PCDHGB1: variants seen among roughly 807,000 people sequenced by gnomAD.
PCDHGB1 encodes protocadherin gamma-B1.
PCDHGB1 carries 34 observed loss-of-function variants against 56.6 expected under a neutral mutation model. The ratio of observed to expected loss-of-function variants is 0.60; its 90% CI spans 0.46 to 0.80. The LOEUF (loss-of-function observed/expected upper bound fraction) is 0.80. Ranked by LOEUF, PCDHGB1 falls within the 30% of genes least tolerant of loss-of-function variation. PCDHGB1 has a pLI of 0.00. For missense variants in PCDHGB1, 1,278 were observed against 1,204.6 expected (o/e 1.06, Z -0.90); for synonymous variants, 561 against 505.9 (o/e 1.11, Z -1.46).
intron 1 of PCDHGB1, among the ~76,000 whole-genome samples, chr5:141,456,714 C>T (rs1456452530): frequency 6.6e-6 from 1 of 152,176 alleles, no homozygotes; most frequent in Non-Finnish European, 1.5e-5. Flanking sequence ...CCTGTAATCC[C>T]AGCACTTTGG....
Position 141,486,639 on chromosome 5 carries a change from T to G in PCDHGB1, c.2410-8168T>G, listed in dbSNP as rs1250700423. ...GACCCAGACTCTGGCTTGAATGCGC[T>G]TATCTCCTACTCACTCCTGGAGCCC... On this transcript the variant is annotated intron_variant, in intron 1 of 3. Transcript: ENST00000523390. The surrounding 1 kb of genome is among the most constrained non-coding windows in gnomAD (Gnocchi z 5.0). The G allele has an allele frequency of 6.2e-7, 1 of 1,613,818 alleles. No individual in the cohort carries two copies. The highest frequency in any genetic ancestry group is 1.1e-5 in the South Asian group (1 of 91,084).
chr5:141,490,623 T>C lies in PCDHGB1; in HGVS notation c.2410-4184T>C. The C allele has an allele frequency of 3.1e-6, 5 of 1,614,174 alleles. No individual in the cohort carries two copies. The highest frequency in any genetic ancestry group is 4.2e-6 in the Non-Finnish European group (5 of 1,180,020). ...GCTTCAACCAGCAGCTTTACACTGC[T>C]TACATCCTAGAAAACCGGCCTCCGG... On this transcript the variant is annotated intron_variant, in intron 1 of 3. Coordinates refer to ENST00000523390, the MANE Select transcript of PCDHGB1 (RefSeq NM_018922.3). This position sits in a 1 kb window ranked among gnomAD's most constrained non-coding sequence, Gnocchi z 5.4.
Position 141,408,776 on chromosome 5 carries a change from C to T in PCDHGB1, c.2409+56107C>T, listed in dbSNP as rs748401410. 54 of 1,611,566 alleles carry T rather than the reference C, an allele frequency of 3.4e-5. No homozygotes were observed. The highest frequency in any genetic ancestry group is 4.4e-5 in the Non-Finnish European group (52 of 1,178,840). On this transcript the variant is annotated intron_variant, in intron 1 of 3. Coordinates refer to ENST00000523390, the MANE Select transcript of PCDHGB1 (RefSeq NM_018922.3). Reference sequence around the variant, plus strand: ...AGTTAATTCCGATGGTGGCAAATACCCAGAGTTATCTCTGGAGAAACTCCT... The same window carrying T: ...AGTTAATTCCGATGGTGGCAAATACTCAGAGTTATCTCTGGAGAAACTCCT...
chr5:141,383,228 T>C (rs1778950138), intron 1 of PCDHGB1: 1 of 1,613,936 alleles, frequency 6.2e-7, no homozygotes, highest in Non-Finnish European at 8.5e-7. Context: ...AACATCCTGA[T>C]GGAAGATAAA....
At chr5:141,361,044 A>C (rs757892379) in intron 1 of PCDHGB1, 6 of 1,613,540 alleles carry the variant, frequency 3.7e-6, no homozygotes, top group East Asian at 2.2e-5. Context: ...AAATCACGAC[A>C]AAGGATGATT....
Position 141,351,943 on chromosome 5 carries a change from C to G in PCDHGB1, c.1683C>G (p.Pro561=). ...ACAATGCGCCACGGGTGCTGTACCC[C>G]GCGCTGGGGCCTGATGGCTCCGCCC... The part of the protein sequence containing the change: ...LNDNAPRVLY[P]ALGPDGSALF... The change falls in exon 1 of 4, where the codon CCC becomes CCG. Residue 561 remains proline (P), a synonymous_variant. Coordinates refer to ENST00000523390, the MANE Select transcript of PCDHGB1 (RefSeq NM_018922.3). 1 of 1,613,168 alleles carries G rather than the reference C, an allele frequency of 6.2e-7. No homozygotes were observed. Among genetic ancestry groups the G allele is most frequent in the Non-Finnish European group, 8.5e-7 (1 of 1,179,746 alleles).
chr5:141,449,562 C>T (rs1374591292), intron 1 of PCDHGB1, among the ~76,000 whole-genome samples: 1 of 143,862 alleles, frequency 7.0e-6, no homozygotes, highest in East Asian at 2.0e-4. Context: ...GCACTCCAGC[C>T]TGGGCGACAG....
At chr5:141,422,959 C>G in intron 1 of PCDHGB1, 1 of 1,614,234 alleles carries the variant, frequency 6.2e-7, no homozygotes, top group Non-Finnish European at 8.5e-7. Flanking sequence ...TGGCGTGGAG[C>G]TGGCGCCCCG....
intron 1 of PCDHGB1, chr5:141,422,893 C>A (rs1405800318): frequency 4.3e-6 from 7 of 1,614,246 alleles, no homozygotes; most frequent in Non-Finnish European, 5.9e-6. Context: ...CGTGCTGGAC[C>A]AGAACGACAA....
intron 1 of PCDHGB1, among the ~76,000 whole-genome samples, chr5:141,461,644 A>C (rs1266858748): frequency 1.3e-5 from 2 of 151,868 alleles, no homozygotes; most frequent in Non-Finnish European, 2.9e-5. Flanking sequence ...TTCTTCTTTG[A>C]CCCATGGATT....
intron 1 of PCDHGB1, among the ~76,000 whole-genome samples, chr5:141,472,310 G>A (rs2099276586): frequency 6.6e-6 from 1 of 152,040 alleles, no homozygotes; most frequent in Non-Finnish European, 1.5e-5. Flanking sequence ...GGGAAGCCGA[G>A]GCAGGCAGAT....
At chr5:141,463,418 C>A (rs1442067485) in intron 1 of PCDHGB1, among the ~76,000 whole-genome samples, 3 of 138,240 alleles carry the variant, frequency 2.2e-5, no homozygotes, top group Admixed American at 7.4e-5. Context: ...TCCTAGTTTG[C>A]GGATCCTCAT....
rs779949817 is a variant in PCDHGB1 at position 141,487,266 on chromosome 5, T to G, written c.2410-7541T>G. The G allele has an allele frequency of 6.2e-7, 1 of 1,614,054 alleles. No individual in the cohort carries two copies. The highest frequency in any genetic ancestry group is 8.5e-7 in the Non-Finnish European group (1 of 1,180,044). On this transcript the variant is annotated intron_variant, in intron 1 of 3. Transcript: ENST00000523390. This position sits in a 1 kb window ranked among gnomAD's most constrained non-coding sequence, Gnocchi z 5.0. The stretch of plus-strand genomic sequence containing the variant: ...ACCCTCTACTTGGCTGTGTCCCTAG[T>G]GGCAATTTGCTTTGTCTCCTTTGGC...
intron 2 of PCDHGB1, among the ~76,000 whole-genome samples, chr5:141,503,598 C>CA (rs765754054): frequency 0.15 from 9,705 of 65,252 alleles, 922 homozygotes; most frequent in African/African-American, 0.34. Context: ...GACTCCAGCT[C>CA]AAAAAAAAAA....
chr5:141,426,418 T>C (rs1445827088), intron 1 of PCDHGB1: 2 of 288,504 alleles, frequency 6.9e-6, no homozygotes, highest in Non-Finnish European at 1.4e-5. Flanking sequence ...GGTCCAGGGC[T>C]CCGTGGTGGG....
intron 1 of PCDHGB1, among the ~76,000 whole-genome samples, chr5:141,369,622 ATTACCT>A (rs1766388164): frequency 6.6e-6 from 1 of 152,224 alleles, no homozygotes; most frequent in South Asian, 2.1e-4. Flanking sequence ...TCATTTCCTC[ATTACCT>A]TTAACTTCTT....
chr5:141,509,081 A>C (rs1279221589), intron 3 of PCDHGB1, among the ~76,000 whole-genome samples: 2 of 152,160 alleles, frequency 1.3e-5, no homozygotes, highest in Non-Finnish European at 2.9e-5. Flanking sequence ...GATTTGCGAC[A>C]TGAAATGGGG....
At chr5:141,467,941 G>A (rs1173095290) in intron 1 of PCDHGB1, among the ~76,000 whole-genome samples, 4 of 151,984 alleles carry the variant, frequency 2.6e-5, no homozygotes, top group Admixed American at 2.6e-4. Context: ...TTACAAGCAT[G>A]AGCCACCACA....
In PCDHGB1 at chr5:141,491,424, G is replaced by A. The variant is rs745755214; in HGVS notation, c.2410-3383G>A. The A allele has an allele frequency of 6.2e-7, 1 of 1,614,092 alleles. No individual in the cohort carries two copies. Among genetic ancestry groups the A allele is most frequent in the Non-Finnish European group, 8.5e-7 (1 of 1,180,028 alleles). ...ACGCAGACGGGGACGGGGGTGGAGG[G>A]CAGTGCTGCAGGCGCCAGGACTCAC... On this transcript the variant is annotated intron_variant, in intron 1 of 3. Coordinates refer to ENST00000523390, the MANE Select transcript of PCDHGB1 (RefSeq NM_018922.3). The surrounding 1 kb of genome is among the most constrained non-coding windows in gnomAD (Gnocchi z 6.9).
Sources: allele counts gnomAD v4.1 joint callset (sites outside exome capture counted in the v4.1 genomes callset), GRCh38; gene constraint gnomAD v4.1.1; non-coding constraint Gnocchi (gnomAD v3.1); transcripts MANE v1.5; gene names NCBI Gene and HGNC (gene_info 2026-07-23, HGNC 2026-07-21).